The following CA13 variants were observed in gnomAD, a reference collection of about 807,000 sequenced individuals.
The protein encoded by CA13 is carbonic anhydrase 13, also known as CA-XIII.
In CA13, 21 loss-of-function variants were observed where a neutral mutation model predicts 31.5. The ratio of observed to expected loss-of-function variants is 0.67; its 90% CI spans 0.47 to 0.96. CA13 has a LOEUF of 0.96. Ranked by LOEUF, CA13 falls within the 40% of genes least tolerant of loss-of-function variation. The probability of loss-of-function intolerance (pLI) is 0.00; values close to 1 mark genes in which losing one functional copy is unlikely to be tolerated. For synonymous variants in CA13, 117 were observed against 111.4 expected (o/e 1.05, Z -0.32); for missense variants, 315 against 318.9 (o/e 0.99, Z 0.09).
In CA13 at chr8:85,251,623, C is replaced by A. The variant is rs199501810; in HGVS notation, c.235+686C>A. ...AGCATTATTTGCAAACCTATAATGCCATTTAAGTACCTGCTTTAATAGAAA... is the reference window on the plus strand; with the variant it reads ...AGCATTATTTGCAAACCTATAATGCAATTTAAGTACCTGCTTTAATAGAAA... On this transcript the variant is annotated intron_variant, in intron 2 of 6. Coordinates refer to ENST00000321764, the MANE Select transcript of CA13 (RefSeq NM_198584.3). Among the ~76,000 whole-genome samples, 18 of 64,924 alleles carry A rather than the reference C, an allele frequency of 2.8e-4. 1 individual carries two copies. In the East Asian group the frequency reaches 4.6e-3, roughly 16 times the overall value. The allele number at this position is 64,924 out of a possible 152,430, so 42.6% of individuals were successfully genotyped here.
chr8:85,274,995 G>A (rs948901690), intron 6 of CA13, among the ~76,000 whole-genome samples: 8 of 152,182 alleles, frequency 5.3e-5, no homozygotes, highest in African/African-American at 1.9e-4. Flanking sequence ...CCAGGGATAA[G>A]GTAGCCATGA....
At chr8:85,268,341 T>C (rs1807483107) in intron 5 of CA13, 131 bp from the exon 6 acceptor site, 1 of 793,458 alleles carries the variant, frequency 1.3e-6, no homozygotes, top group Non-Finnish European at 2.0e-6. Flanking sequence ...AAGGAAGATA[T>C]TACATAATTC....
chr8:85,278,725 A>G (rs942189416), intron 6 of CA13, among the ~76,000 whole-genome samples: 4 of 152,286 alleles, frequency 2.6e-5, no homozygotes, highest in Non-Finnish European at 5.9e-5. Flanking sequence ...GTGATTTATG[A>G]TGTTGCTTTT....
intron 6 of CA13, among the ~76,000 whole-genome samples, chr8:85,271,441 T>C (rs4739700): frequency 0.75 from 113,511 of 152,136 alleles, 43,192 homozygotes; most frequent in African/African-American, 0.87. Flanking sequence ...ATTTTTCTCT[T>C]TCAGAGTCAC....
At chr8:85,268,000 T>A (rs1396239208) in intron 5 of CA13, 36 bp downstream of exon 5, 1 of 1,295,840 alleles carries the variant, frequency 7.7e-7, no homozygotes, top group Admixed American at 1.8e-5. Context: ...AACATATTTC[T>A]TGTTCTCTCC....
chr8:85,268,213 T>C (rs942762539), intron 5 of CA13, among the ~76,000 whole-genome samples: 8 of 152,248 alleles, frequency 5.3e-5, no homozygotes, highest in Admixed American at 1.3e-4. Context: ...AAGCCTTTAA[T>C]TGTAACACAT....
At position 85,281,214 on chromosome 8, in the gene CA13, T is replaced by C; in HGVS notation, c.670-16T>C. On this transcript the variant is annotated splice_polypyrimidine_tract_variant and intron_variant, in intron 6 of 6. Transcript: ENST00000321764. ...GGAATTTCTATGCTGAAGCTAACTC[T>C]TTTCTTCTTCTACAGCTGGCCAAAT... 6.2e-7 allele frequency: 1 copy of C among 1,610,216 alleles called. No individual in the cohort carries two copies.
chr8:85,256,120 T>G (rs1807291738), intron 2 of CA13, among the ~76,000 whole-genome samples: 1 of 151,974 alleles, frequency 6.6e-6, no homozygotes, highest in South Asian at 2.1e-4. Context: ...ATAGATTAAC[T>G]CTCGATAAAA....
intron 4 of CA13, chr8:85,267,322 T>C: frequency 2.0e-6 from 2 of 985,534 alleles, no homozygotes; most frequent in Non-Finnish European, 2.4e-6. Context: ...CAAGTAGGGG[T>C]GGTTGCGGCA....
At chr8:85,262,463 C>T (rs967959555) in intron 3 of CA13, among the ~76,000 whole-genome samples, 18 of 152,034 alleles carry the variant, frequency 1.2e-4, no homozygotes, top group African/African-American at 3.9e-4. Context: ...GAAGGAGGCT[C>T]ATACATTTGA....
intron 3 of CA13, among the ~76,000 whole-genome samples, chr8:85,264,493 C>T (rs907583243): frequency 2.0e-5 from 3 of 151,986 alleles, no homozygotes; most frequent in Non-Finnish European, 4.4e-5. Flanking sequence ...GTATCAGTTC[C>T]TCTGTGAAGG....
chr8:85,284,024 T>C lies in CA13; in HGVS notation c.*2675T>C, dbSNP rs141605678. On this transcript the variant is annotated 3_prime_UTR_variant, in exon 7 of 7. Coordinates refer to ENST00000321764, the MANE Select transcript of CA13 (RefSeq NM_198584.3). Reference sequence around the variant, plus strand: ...TTTTATGATTGTTAAGCATTTCATATTTTAATTTAAATTGGATTCAACCAC... The same window carrying C: ...TTTTATGATTGTTAAGCATTTCATACTTTAATTTAAATTGGATTCAACCAC... 6.6e-6 allele frequency: 1 copy of C among 152,288 alleles called. No homozygotes were observed. Among genetic ancestry groups the C allele is most frequent in the Non-Finnish European group, 1.5e-5 (1 of 68,000 alleles). The allele number at this position is 152,288 out of a possible 1,614,324, so 9.4% of individuals were successfully genotyped here.
chr8:85,251,106 A>T (rs1813820626), intron 2 of CA13, among the ~76,000 whole-genome samples, 169 bp downstream of exon 2: 1 of 149,582 alleles, frequency 6.7e-6, no homozygotes, highest in South Asian at 2.1e-4. Flanking sequence ...AGTTCAAGAG[A>T]TTCTCCTGCC....
rs542162481 is a variant in CA13 at position 85,261,390 on chromosome 8, A to G, written c.354+1851A>G. 1.6e-4 allele frequency among the ~76,000 whole-genome samples: 24 copies of G among 152,276 alleles called. No individual in the cohort carries two copies. The South Asian group carries it at 5.0e-3, about 32-fold the overall frequency. Reference sequence around the variant, plus strand: ...TTGGAATTTTTAAGTATATTTTAAGACATACATTTTTATGCATGCTTTAAA... The same window carrying G: ...TTGGAATTTTTAAGTATATTTTAAGGCATACATTTTTATGCATGCTTTAAA... On this transcript the variant is annotated intron_variant, in intron 3 of 6. Coordinates refer to ENST00000321764, the MANE Select transcript of CA13 (RefSeq NM_198584.3).
At chr8:85,259,676 C>T (rs1262259902) in intron 3 of CA13, 137 bp downstream of exon 3, 1 of 666,198 alleles carries the variant, frequency 1.5e-6, no homozygotes, top group East Asian at 2.6e-5. Context: ...TTTATTCATT[C>T]AATATGAGAG....
chr8:85,260,468 T>C (rs1807360871), intron 3 of CA13, among the ~76,000 whole-genome samples: 1 of 152,202 alleles, frequency 6.6e-6, no homozygotes, highest in Admixed American at 6.5e-5. Context: ...AGATGCCCTG[T>C]ATAGCCCTGC....
Position 85,266,707 on chromosome 8 carries a change from A to G in CA13, c.450+4A>G. On this transcript the variant is annotated splice_donor_region_variant and intron_variant, in intron 4 of 6. Coordinates refer to ENST00000321764, the MANE Select transcript of CA13 (RefSeq NM_198584.3). ...TGTCTTGGGAGTGTTTTTACAGGTGAGAATCTACTGTTTTCATTTTAAATG... is the reference window on the plus strand; with the variant it reads ...TGTCTTGGGAGTGTTTTTACAGGTGGGAATCTACTGTTTTCATTTTAAATG... 1 of 1,607,624 alleles carries G rather than the reference A, an allele frequency of 6.2e-7. No homozygotes were observed. Among genetic ancestry groups the G allele is most frequent in the Non-Finnish European group, 8.5e-7 (1 of 1,174,452 alleles).
At chr8:85,268,811 A>T (rs1331678017) in intron 6 of CA13, among the ~76,000 whole-genome samples, 184 bp downstream of exon 6, 2 of 151,504 alleles carry the variant, frequency 1.3e-5, no homozygotes, top group African/African-American at 4.9e-5. Context: ...TGATTAGATG[A>T]TTTATTTGCC....
chr8:85,256,121 C>T (rs1353084805), intron 2 of CA13, among the ~76,000 whole-genome samples: 1 of 151,954 alleles, frequency 6.6e-6, no homozygotes, highest in Non-Finnish European at 1.5e-5. Flanking sequence ...TAGATTAACT[C>T]TCGATAAAAT....
Sources: allele counts gnomAD v4.1 joint callset (sites outside exome capture counted in the v4.1 genomes callset), GRCh38; gene constraint gnomAD v4.1.1; transcripts MANE v1.5; gene names NCBI Gene and HGNC (gene_info 2026-07-23, HGNC 2026-07-21).